The following NEK11 variants were observed in gnomAD, a reference collection of about 807,000 sequenced individuals.
The protein encoded by NEK11 is NIMA related kinase 11.
A neutral mutation model predicts 80.7 loss-of-function variants in NEK11; 72 were observed. That is an observed-to-expected ratio of 0.89 (90% CI 0.74 to 1.08). The LOEUF (loss-of-function observed/expected upper bound fraction) is 1.08, where lower values mean the gene tolerates loss of function less well. NEK11 is among the 50% of genes least tolerant of loss of function. NEK11 has a pLI of 0.00. For synonymous variants in NEK11, 251 were observed against 260.7 expected (o/e 0.96, Z 0.36); for missense variants, 764 against 763.6 (o/e 1.00, Z -0.01).
At chr3:131,244,626 T>G (rs2095569058) in intron 16 of NEK11, among the ~76,000 whole-genome samples, 2 of 152,094 alleles carry the variant, frequency 1.3e-5, no homozygotes, top group Non-Finnish European at 2.9e-5. Context: ...TTAAAAATAT[T>G]TTAAAATATT....
intron 16 of NEK11, among the ~76,000 whole-genome samples, chr3:131,244,306 C>T (rs187681635): frequency 1.3e-5 from 2 of 152,222 alleles, no homozygotes; most frequent in Admixed American, 1.3e-4. Context: ...AAACCTCAGT[C>T]ATAACATAAG....
intron 17 of NEK11, among the ~76,000 whole-genome samples, chr3:131,280,709 T>C (rs939723363): frequency 6.6e-6 from 1 of 152,254 alleles, no homozygotes; most frequent in Non-Finnish European, 1.5e-5. Context: ...GTCTTTGACA[T>C]TGTGAGTTAA....
intron 16 of NEK11, among the ~76,000 whole-genome samples, chr3:131,266,371 T>C (rs2096058745): frequency 6.6e-6 from 1 of 152,238 alleles, no homozygotes. Context: ...CTCTAAACAC[T>C]GCTTTAGCTG....
At chr3:131,155,776 C>T (rs570873411) in intron 10 of NEK11, among the ~76,000 whole-genome samples, 4 of 152,228 alleles carry the variant, frequency 2.6e-5, no homozygotes, top group African/African-American at 7.2e-5. Context: ...GGGATGAAAA[C>T]AGAAGCCCTC....
intron 12 of NEK11, among the ~76,000 whole-genome samples, chr3:131,168,365 A>ATTTT (rs943243718): frequency 2.0e-5 from 3 of 147,218 alleles, no homozygotes; most frequent in African/African-American, 7.5e-5. Context: ...TTATTTATTT[A>ATTTT]TTTTTTTTTG....
At chr3:131,231,859 A>G (rs2095336544) in intron 15 of NEK11, among the ~76,000 whole-genome samples, 1 of 151,960 alleles carries the variant, frequency 6.6e-6, no homozygotes, top group Non-Finnish European at 1.5e-5. Flanking sequence ...TCATCACACA[A>G]ATGCCTTCTA....
intron 14 of NEK11, among the ~76,000 whole-genome samples, chr3:131,171,624 A>G (rs931096137): frequency 2.0e-5 from 3 of 152,218 alleles, no homozygotes; most frequent in African/African-American, 7.2e-5. Context: ...AATAAGAATA[A>G]TAATGCCTTC....
Position 131,084,860 on chromosome 3 carries a change from GT to G in NEK11, c.336+4274del, listed in dbSNP as rs202200988. On this transcript the variant is annotated intron_variant, in intron 4 of 17. Transcript: ENST00000383366. ...TGGCCCAGGCATCAGGGTTTTGAGA[GT>G]TCTCCAGGTGATTCTAAAATGCAGC... Among the ~76,000 whole-genome samples the G allele has an allele frequency of 9.2e-3, 1,407 of 152,284 alleles. 20 individuals carry two copies. The highest frequency in any genetic ancestry group is 0.031 in the African/African-American group (1,293 of 41,554).
intron 14 of NEK11, among the ~76,000 whole-genome samples, chr3:131,188,833 C>G (rs2093688492): frequency 6.6e-6 from 1 of 151,014 alleles, no homozygotes; most frequent in South Asian, 2.1e-4. Flanking sequence ...TCATTACTTC[C>G]TGTAGTGAGT....
intron 3 of NEK11, among the ~76,000 whole-genome samples, chr3:131,069,420 G>T (rs1287854205): frequency 2.0e-5 from 3 of 152,096 alleles, no homozygotes. Flanking sequence ...TCAGTGTGGC[G>T]ATTCCTCAGG....
chr3:131,089,039 A>G (rs1578097422), intron 4 of NEK11, among the ~76,000 whole-genome samples: 2 of 152,218 alleles, frequency 1.3e-5, no homozygotes, highest in East Asian at 3.8e-4. Flanking sequence ...AATGACTCTT[A>G]TTCAGCCCTG....
At chr3:131,120,162 A>T (rs777661093) in intron 5 of NEK11, among the ~76,000 whole-genome samples, 44 of 152,188 alleles carry the variant, frequency 2.9e-4, no homozygotes, top group Non-Finnish European at 6.2e-4. Context: ...GAGGTCTTGT[A>T]AGGTAGACCT....
intron 7 of NEK11, among the ~76,000 whole-genome samples, chr3:131,140,683 G>A (rs1341567891): frequency 1.3e-5 from 2 of 152,144 alleles, no homozygotes; most frequent in Non-Finnish European, 2.9e-5. Flanking sequence ...TATGTCAAAA[G>A]GCTCAATAAA....
intron 11 of NEK11, 33 bp downstream of exon 11, chr3:131,162,560 G>A (rs747501047): frequency 5.6e-6 from 9 of 1,611,992 alleles, no homozygotes; most frequent in Admixed American, 5.0e-5. Flanking sequence ...ACTCATGCTC[G>A]GGACTACTTC....
chr3:131,300,619 C>G (rs1392363417), intron 17 of NEK11, among the ~76,000 whole-genome samples: 1 of 152,152 alleles, frequency 6.6e-6, no homozygotes, highest in Non-Finnish European at 1.5e-5. Context: ...TATCCCAACA[C>G]CATTTATTGA....
chr3:131,269,518 G>A (rs139394262), intron 16 of NEK11, among the ~76,000 whole-genome samples: 10 of 152,226 alleles, frequency 6.6e-5, no homozygotes, highest in African/African-American at 1.2e-4. Context: ...TTGGCTAGGC[G>A]ACGCCCCACC....
Position 131,335,666 on chromosome 3 carries a change from A to G in NEK11, c.1719-13891A>G, listed in dbSNP as rs1011231776. On this transcript the variant is annotated intron_variant, in intron 17 of 17. Transcript: ENST00000383366. The stretch of plus-strand genomic sequence containing the variant: ...TAAAGGGTATTCAATTAGGAAAAGA[A>G]GAAGTCAAATTGTCCCTGTTTGCAG... 9.2e-5 allele frequency among the ~76,000 whole-genome samples: 14 copies of G among 152,258 alleles called. No homozygotes were observed. In the South Asian group the frequency reaches 1.2e-3, roughly 14 times the overall value.
intron 16 of NEK11, among the ~76,000 whole-genome samples, chr3:131,264,142 A>C (rs562808518): frequency 1.3e-5 from 2 of 152,046 alleles, no homozygotes; most frequent in African/African-American, 2.4e-5. Flanking sequence ...GATTGTAAAA[A>C]TTTTCTCCCA....
At chr3:131,229,901 A>G (rs1186106965) in intron 15 of NEK11, among the ~76,000 whole-genome samples, 2 of 152,176 alleles carry the variant, frequency 1.3e-5, no homozygotes, top group Non-Finnish European at 2.9e-5. Context: ...CAGAATGCCA[A>G]AATAAAAACT....
Sources: gnomAD v4.1 joint callset for allele counts (sites outside exome capture counted in the v4.1 genomes callset) on GRCh38, gnomAD v4.1.1 for gene constraint, MANE v1.5 for transcripts, NCBI Gene and HGNC (gene_info 2026-07-23, HGNC 2026-07-21) for gene names.